SYNGR1: variants seen among roughly 807,000 people sequenced by gnomAD.
SYNGR1 encodes synaptogyrin-1.
Under a neutral mutation model 26.1 loss-of-function variants are expected in SYNGR1, and 14 were observed. The ratio of observed to expected loss-of-function variants is 0.54; its 90% confidence interval spans 0.35 to 0.84. The LOEUF (loss-of-function observed/expected upper bound fraction) is 0.84, where lower values mean the gene tolerates loss of function less well. SYNGR1 is among the 40% of genes least tolerant of loss of function. The probability of loss-of-function intolerance (pLI) is 0.01; values close to 1 mark genes in which losing one functional copy is unlikely to be tolerated. For synonymous variants in SYNGR1, 141 were observed against 150.1 expected, an observed-to-expected ratio of 0.94 and a Z score of 0.44; for missense variants, 319 against 332.9, an observed-to-expected ratio of 0.96 and a Z score of 0.33.
rs1476492121 is a variant in SYNGR1 at position 39,384,815 on chromosome 22, G to A, written c.*2901G>A. On this transcript the variant is annotated 3_prime_UTR_variant, in exon 4 of 4. Coordinates refer to ENST00000328933, the MANE Select transcript of SYNGR1 (RefSeq NM_004711.5). The stretch of plus-strand genomic sequence containing the variant: ...CACATAAGTGTAGAGTCGCAAGGAC[G>A]CTTAGAGTCGGCAGAGTCTGGGGTA... 8 of 398,984 alleles carry A rather than the reference G, an allele frequency of 2.0e-5. No individual in the cohort carries two copies. The highest frequency in any genetic ancestry group is 1.1e-4 in the East Asian group (3 of 28,146). 24.7% of individuals were successfully genotyped at this position (398,984 alleles called of 1,614,324 possible).
chr22:39,353,519 T>C (rs1296731892), intron 1 of SYNGR1, among the ~76,000 whole-genome samples: 2 of 152,218 alleles, frequency 1.3e-5, no homozygotes, highest in African/African-American at 2.4e-5. Flanking sequence ...TCTCACCTCT[T>C]GGTGTCATCG....
rs1308354223 is a variant in SYNGR1, at chr22:39,353,125, G to A, written c.99+3016G>A. Among the ~76,000 whole-genome samples, 6 of 152,308 alleles carry A rather than the reference G, an allele frequency of 3.9e-5. No homozygotes were observed. The South Asian group carries it at 6.2e-4, about 16-fold the overall frequency. On this transcript the variant is annotated intron_variant, in intron 1 of 3. Coordinates refer to ENST00000328933, the MANE Select transcript of SYNGR1 (RefSeq NM_004711.5). ...GATCCACCTGCCTTGGCCTCCCAAC[G>A]TGCTGGGATTACAGGCGTGAGCCAC... is the stretch of plus-strand genomic sequence containing the variant.
intron 1 of SYNGR1, among the ~76,000 whole-genome samples, chr22:39,367,648 C>A (rs1015096224): frequency 6.6e-6 from 1 of 152,014 alleles, no homozygotes; most frequent in African/African-American, 2.4e-5. Context: ...CATGGCACAA[C>A]CCCGTCTCTG....
At chr22:39,358,735 G>A (rs1294841971) in intron 1 of SYNGR1, among the ~76,000 whole-genome samples, 1 of 152,144 alleles carries the variant, frequency 6.6e-6, no homozygotes, top group Non-Finnish European at 1.5e-5. Context: ...CACCGAGAGG[G>A]TCCGCGGCTT....
At chr22:39,359,630 C>CAAAAA (rs60500594) in intron 1 of SYNGR1, among the ~76,000 whole-genome samples, 2 of 78,136 alleles carry the variant, frequency 2.6e-5, no homozygotes, top group African/African-American at 4.6e-5. Flanking sequence ...GACTCTGTCT[C>CAAAAA]AAAAAAAAAA....
chr22:39,372,508 T>C (rs1468858741), intron 1 of SYNGR1, among the ~76,000 whole-genome samples: 1 of 123,412 alleles, frequency 8.1e-6, no homozygotes, highest in Non-Finnish European at 1.6e-5. Context: ...TGGAATGCAA[T>C]AGCACAATCT....
At chr22:39,364,053 A>G in intron 1 of SYNGR1, 1 of 1,404,128 alleles carries the variant, frequency 7.1e-7, no homozygotes, top group South Asian at 1.2e-5. Context: ...TCGTTAGCCG[A>G]CGCCCTGCAG....
At chr22:39,369,440 C>T (rs1362215589) in intron 1 of SYNGR1, among the ~76,000 whole-genome samples, 4 of 152,284 alleles carry the variant, frequency 2.6e-5, no homozygotes, top group East Asian at 1.9e-4. Context: ...TGAATCGAGT[C>T]GCCTGATCCC....
intron 1 of SYNGR1, among the ~76,000 whole-genome samples, chr22:39,362,446 T>C (rs2145614771): frequency 1.3e-5 from 2 of 151,952 alleles, no homozygotes; most frequent in Middle Eastern, 6.8e-3. Flanking sequence ...GAGCCTCACC[T>C]GCCCCACCCC....
chr22:39,351,397 G>A (rs982116069), intron 1 of SYNGR1, among the ~76,000 whole-genome samples: 7 of 152,252 alleles, frequency 4.6e-5, no homozygotes. Context: ...GATGGGAGCT[G>A]TTTGAGGGCA....
chr22:39,382,403 T>C lies in SYNGR1; in HGVS notation c.*489T>C. ...AACACCCACAGGACACTGGGGGCTG[T>C]CACCCTGCTCTGGCAGTCCTGCTAA... is the stretch of plus-strand genomic sequence containing the variant. On this transcript the variant is annotated 3_prime_UTR_variant, in exon 4 of 4. Transcript: ENST00000328933. 1 of 197,068 alleles carries C rather than the reference T, an allele frequency of 5.1e-6. No individual in the cohort carries two copies. The highest frequency in any genetic ancestry group is 1.2e-4 in the East Asian group (1 of 8,160). The allele number at this position is 197,068 out of a possible 1,614,324, so 12.2% of individuals were successfully genotyped here. A position where few individuals can be genotyped will look rare whatever the true frequency, so the allele number is the denominator to read the frequency against.
chr22:39,357,350 G>A (rs1924189500), intron 1 of SYNGR1, among the ~76,000 whole-genome samples: 1 of 152,126 alleles, frequency 6.6e-6, no homozygotes, highest in African/African-American at 2.4e-5. Flanking sequence ...CCAGGTCTAT[G>A]CATGGGAGTG....
At chr22:39,367,522 C>T (rs1349144947) in intron 1 of SYNGR1, among the ~76,000 whole-genome samples, 1 of 152,158 alleles carries the variant, frequency 6.6e-6, no homozygotes, top group Non-Finnish European at 1.5e-5. Flanking sequence ...TGACCCCAGC[C>T]TTAGAAGCTT....
intron 1 of SYNGR1, among the ~76,000 whole-genome samples, chr22:39,368,746 C>T (rs1316742160): frequency 6.7e-6 from 1 of 150,270 alleles, no homozygotes; most frequent in African/African-American, 2.5e-5. Flanking sequence ...TGATATTGTT[C>T]TGTTTTTGGA....
At chr22:39,367,822 C>CA (rs749046250) in intron 1 of SYNGR1, among the ~76,000 whole-genome samples, 3,725 of 53,718 alleles carry the variant, frequency 0.069, 172 homozygotes, top group African/African-American at 0.18. Context: ...GACCCTGTCT[C>CA]AAAAAAAAAA....
intron 1 of SYNGR1, among the ~76,000 whole-genome samples, chr22:39,357,421 G>C (rs1479237234): frequency 6.6e-6 from 1 of 152,170 alleles, no homozygotes; most frequent in Non-Finnish European, 1.5e-5. Context: ...CTCTGCCTGG[G>C]CTCCTACTTT....
At chr22:39,373,231 T>C (rs58346745) in intron 1 of SYNGR1, among the ~76,000 whole-genome samples, 10,260 of 151,804 alleles carry the variant, frequency 0.068, 997 homozygotes, top group African/African-American at 0.22. Flanking sequence ...TGCAGTGGCT[T>C]AATCTTGGCT....
intron 3 of SYNGR1, among the ~76,000 whole-genome samples, chr22:39,379,119 G>A (rs1295365347): frequency 6.6e-6 from 1 of 152,156 alleles, no homozygotes; most frequent in Non-Finnish European, 1.5e-5. Flanking sequence ...CCCTCAGGGG[G>A]CTCTTCACCT....
At chr22:39,377,054 A>G in intron 3 of SYNGR1, 4 of 1,550,720 alleles carry the variant, frequency 2.6e-6, no homozygotes, top group Non-Finnish European at 3.5e-6. Flanking sequence ...CCATCCCAAG[A>G]GCCCTCCCCA....
Sources: allele counts gnomAD v4.1 joint callset (sites outside exome capture counted in the v4.1 genomes callset), GRCh38; gene constraint gnomAD v4.1.1; transcripts MANE v1.5; gene names NCBI Gene and HGNC (gene_info 2026-07-23, HGNC 2026-07-21).